Variants in CDH13 observed in about 807,000 individuals in gnomAD.
The protein encoded by CDH13 is cadherin-13.
In CDH13, 24 loss-of-function variants were observed where a neutral mutation model predicts 63.8. That is an observed-to-expected ratio of 0.38 (90% CI 0.27 to 0.53). The LOEUF (loss-of-function observed/expected upper bound fraction) is 0.53. Among genes scored for constraint, CDH13 ranks in the 20% least tolerant of loss-of-function variants. CDH13 has a pLI of 0.85. For missense variants in CDH13, 1,049 were observed against 903.1 expected, an observed-to-expected ratio of 1.16 and a Z score of -2.07; for synonymous variants, 503 against 355.3, an observed-to-expected ratio of 1.42 and a Z score of -4.67.
chr16:83,387,019 T>C (rs984524600), intron 6 of CDH13, among the ~76,000 whole-genome samples: 1 of 152,210 alleles, frequency 6.6e-6, no homozygotes, highest in African/African-American at 2.4e-5. Context: ...TTGTGTTATA[T>C]GCCCATCCTT....
intron 7 of CDH13, among the ~76,000 whole-genome samples, chr16:83,519,797 G>C (rs1168948534): frequency 6.6e-6 from 1 of 152,138 alleles, no homozygotes; most frequent in Non-Finnish European, 1.5e-5. Flanking sequence ...CAGTGTGAAT[G>C]GTGGGGGGAA....
At chr16:82,911,864 A>C (rs189522310) in intron 2 of CDH13, among the ~76,000 whole-genome samples, 37 of 152,162 alleles carry the variant, frequency 2.4e-4, no homozygotes, top group African/African-American at 7.9e-4. Flanking sequence ...AGCTGAGGGC[A>C]CCTGCTCCTA....
intron 8 of CDH13, among the ~76,000 whole-genome samples, chr16:83,667,905 C>A (rs931515022): frequency 1.3e-5 from 2 of 152,036 alleles, no homozygotes; most frequent in Admixed American, 1.3e-4. Flanking sequence ...TCAAGTGATC[C>A]TCCCACCTCA....
intron 2 of CDH13, among the ~76,000 whole-genome samples, chr16:82,864,434 G>T (rs79895202): frequency 1.3e-5 from 2 of 152,212 alleles, no homozygotes; most frequent in East Asian, 3.9e-4. Context: ...GGGTGGCCTC[G>T]GGAAGCTTAC....
chr16:83,278,768 A>G lies in CDH13; in HGVS notation c.636+61271A>G, dbSNP rs2089071869. 2.6e-5 allele frequency among the ~76,000 whole-genome samples: 4 copies of G among 152,320 alleles called. No homozygotes were observed. In the South Asian group the frequency reaches 8.3e-4, roughly 32 times the overall value. On this transcript the variant is annotated intron_variant, in intron 5 of 13. Transcript: ENST00000567109. The stretch of plus-strand genomic sequence containing the variant: ...AGGCTGGAGCAAACTCCTTGAGAGC[A>G]TCTGATTCGCATTCTGTGAAGAACC...
intron 1 of CDH13, among the ~76,000 whole-genome samples, chr16:82,735,288 A>T (rs2033616784): frequency 6.6e-6 from 1 of 152,212 alleles, no homozygotes; most frequent in South Asian, 2.1e-4. Context: ...CTATTTAATC[A>T]CAAACGTTCC....
intron 2 of CDH13, among the ~76,000 whole-genome samples, chr16:82,978,870 A>G (rs1190875492): frequency 9.5e-6 from 1 of 105,506 alleles, no homozygotes; most frequent in Admixed American, 9.7e-5. Flanking sequence ...CCAAAATGGT[A>G]GCTCCACCGA....
At chr16:83,377,198 C>G (rs1567627740) in intron 6 of CDH13, among the ~76,000 whole-genome samples, 1 of 152,100 alleles carries the variant, frequency 6.6e-6, no homozygotes, top group Non-Finnish European at 1.5e-5. Context: ...CATTCTACAG[C>G]ACTAAATAAC....
intron 6 of CDH13, among the ~76,000 whole-genome samples, chr16:83,459,365 A>G (rs185675393): frequency 1.3e-5 from 2 of 152,364 alleles, no homozygotes; most frequent in East Asian, 3.9e-4. Flanking sequence ...ACAGAAACAC[A>G]TGACTATAAA....
intron 2 of CDH13, among the ~76,000 whole-genome samples, chr16:82,916,820 G>T (rs986642996): frequency 6.6e-6 from 1 of 152,170 alleles, no homozygotes; most frequent in African/African-American, 2.4e-5. Context: ...CCTACTAGGA[G>T]ATAGTTGTGG....
chr16:83,088,102 G>A (rs2033703726), intron 3 of CDH13, among the ~76,000 whole-genome samples: 2 of 152,176 alleles, frequency 1.3e-5, no homozygotes, highest in South Asian at 4.1e-4. Context: ...AGAATATTTA[G>A]AAAGTACCTG....
intron 5 of CDH13, among the ~76,000 whole-genome samples, chr16:83,295,565 A>G (rs1593144): frequency 0.99 from 150,908 of 152,272 alleles, 74,792 homozygotes; most frequent in Middle Eastern, 1. Context: ...GCCAGCAGGC[A>G]TATTTTTAAA....
chr16:83,707,836 C>CAAAAAAAGAAA (rs1907340351), intron 10 of CDH13, among the ~76,000 whole-genome samples: 1 of 78,902 alleles, frequency 1.3e-5, no homozygotes. Flanking sequence ...ACCCTAAAGG[C>CAAAAAAAGAAA]AAAAAAAAAA....
At chr16:83,459,134 G>T (rs370506972) in intron 6 of CDH13, among the ~76,000 whole-genome samples, 1 of 152,142 alleles carries the variant, frequency 6.6e-6, no homozygotes, top group Non-Finnish European at 1.5e-5. Flanking sequence ...AATTATATAT[G>T]AGCTTCCCAT....
intron 2 of CDH13, among the ~76,000 whole-genome samples, chr16:82,968,528 T>A (rs1044267674): frequency 6.6e-6 from 1 of 152,164 alleles, no homozygotes; most frequent in African/African-American, 2.4e-5. Flanking sequence ...ACTGAAATCT[T>A]TCCTGAACAC....
At chr16:83,625,986 A>T (rs1346749682) in intron 8 of CDH13, among the ~76,000 whole-genome samples, 1 of 151,946 alleles carries the variant, frequency 6.6e-6, no homozygotes, top group African/African-American at 2.4e-5. Flanking sequence ...TGTCACAGGT[A>T]AAACGTGAGG....
At chr16:82,797,585 A>G (rs1470621505) in intron 1 of CDH13, among the ~76,000 whole-genome samples, 4 of 152,240 alleles carry the variant, frequency 2.6e-5, no homozygotes, top group South Asian at 4.1e-4. Flanking sequence ...CTATTTAACT[A>G]GAAAACAAAG....
chr16:83,556,304 G>A (rs1362397302), intron 7 of CDH13, among the ~76,000 whole-genome samples: 1 of 152,148 alleles, frequency 6.6e-6, no homozygotes, highest in African/African-American at 2.4e-5. Context: ...AAATGGTAAG[G>A]GAGATTCTGC....
At chr16:83,187,340 C>G (rs534570166) in intron 4 of CDH13, among the ~76,000 whole-genome samples, 2 of 152,136 alleles carry the variant, frequency 1.3e-5, no homozygotes, top group Non-Finnish European at 2.9e-5. Flanking sequence ...TATTAGAGCA[C>G]CTTCATGAGC....
Sources: gnomAD v4.1 joint callset for allele counts (sites outside exome capture counted in the v4.1 genomes callset) on GRCh38, gnomAD v4.1.1 for gene constraint, MANE v1.5 for transcripts, NCBI Gene and HGNC (gene_info 2026-07-23, HGNC 2026-07-21) for gene names.